PRDM5: variants seen among roughly 807,000 people sequenced by gnomAD.
PRDM5 encodes the protein PR domain zinc finger protein 5.
A neutral mutation model predicts 81.2 loss-of-function variants in PRDM5; 56 were observed. The observed-to-expected ratio is 0.69, with a 90% CI of 0.56 to 0.86. PRDM5 has a LOEUF of 0.86. Among genes scored for constraint, PRDM5 ranks in the 40% least tolerant of loss-of-function variants. The pLI, the probability that PRDM5 is intolerant of heterozygous loss-of-function variation, is 0.00. For synonymous variants in PRDM5, 267 were observed against 256.4 expected (o/e 1.04, Z -0.39); for missense variants, 697 against 770.1 (o/e 0.91, Z 1.12).
At chr4:120,807,855 T>G (rs1231415491) in intron 8 of PRDM5, among the ~76,000 whole-genome samples, 1 of 152,120 alleles carries the variant, frequency 6.6e-6, no homozygotes, top group Non-Finnish European at 1.5e-5. Flanking sequence ...CTTCTGAGGT[T>G]CAGATGTGTT....
At chr4:120,807,429 C>A (rs1344307948) in intron 8 of PRDM5, among the ~76,000 whole-genome samples, 1 of 152,242 alleles carries the variant, frequency 6.6e-6, no homozygotes, top group East Asian at 1.9e-4. Context: ...TATTGCAACA[C>A]TATTCACAAT....
At chr4:120,800,728 T>C (rs1473339305) in intron 8 of PRDM5, among the ~76,000 whole-genome samples, 1 of 152,042 alleles carries the variant, frequency 6.6e-6, no homozygotes. Context: ...GGAGGAAAAA[T>C]GGGTAACTAT....
chr4:120,720,037 A>C (rs1219185933), intron 14 of PRDM5, among the ~76,000 whole-genome samples: 2 of 152,120 alleles, frequency 1.3e-5, no homozygotes, highest in Non-Finnish European at 2.9e-5. Context: ...TGTGAGCCAC[A>C]AAAACGCAGA....
downstream of PRDM5, among the ~76,000 whole-genome samples, chr4:120,690,072 T>TATA: frequency 6.6e-6 from 1 of 152,158 alleles, no homozygotes; most frequent in Non-Finnish European, 1.5e-5. Context: ...TTTGCTCACA[T>TATA]GTCATTAACA....
chr4:120,826,417 G>A (rs184764865), intron 3 of PRDM5, among the ~76,000 whole-genome samples: 4 of 152,054 alleles, frequency 2.6e-5, no homozygotes, highest in Admixed American at 6.6e-5. Flanking sequence ...TATATCAACT[G>A]TCTTAACTTC....
intron 7 of PRDM5, 182 bp downstream of exon 7, chr4:120,816,270 TA>T: frequency 1.1e-6 from 1 of 930,238 alleles, no homozygotes; most frequent in Non-Finnish European, 1.7e-6. Flanking sequence ...CAAATGCTGC[TA>T]AATTCAACCT....
chr4:120,734,394 A>T (rs1442911105), intron 14 of PRDM5, among the ~76,000 whole-genome samples: 1 of 33,008 alleles, frequency 3.0e-5, no homozygotes, highest in African/African-American at 9.8e-5. Context: ...TTAGTGGAAC[A>T]CACACACACA....
Position 120,811,448 on chromosome 4 carries a change from T to C in PRDM5, c.867A>G (p.Gly289=), listed in dbSNP as rs144906959. 2.2e-5 allele frequency: 35 copies of C among 1,567,676 alleles called. No homozygotes were observed. The highest frequency in any genetic ancestry group is 3.0e-5 in the Non-Finnish European group (34 of 1,140,800). The change falls in exon 8 of 16, where the codon GGA becomes GGG. Residue 289 remains glycine (G), a splice_region_variant and synonymous_variant. Transcript: ENST00000264808. ...AACATATAAGCTTTTTCTTAGGATC[T>C]CCTAAAATAGAAATAAAATACCATG... ...LKRHQENVHT[G]DPKKKLICSV...
chr4:120,691,908 C>T (rs564489446), downstream of PRDM5: 2 of 151,780 alleles, frequency 1.3e-5, no homozygotes, highest in African/African-American at 4.8e-5. Context: ...AATGCTAACA[C>T]CAAGTCTGGT....
At chr4:120,847,492 G>A (rs1286040345) in intron 3 of PRDM5, among the ~76,000 whole-genome samples, 3 of 152,060 alleles carry the variant, frequency 2.0e-5, no homozygotes, top group Non-Finnish European at 2.9e-5. Context: ...GCCTAATCAA[G>A]TCTTCACAGA....
At chr4:120,911,864 T>C (rs923950335) in intron 1 of PRDM5, among the ~76,000 whole-genome samples, 5 of 152,196 alleles carry the variant, frequency 3.3e-5, no homozygotes, top group Non-Finnish European at 7.3e-5. Context: ...AGAAAATGTT[T>C]TTAAAATCTC....
At chr4:120,863,908 A>G (rs1760917079) in intron 2 of PRDM5, among the ~76,000 whole-genome samples, 1 of 152,222 alleles carries the variant, frequency 6.6e-6, no homozygotes, top group Non-Finnish European at 1.5e-5. Context: ...TTAGTCAAGG[A>G]CAATAGGACT....
downstream of PRDM5, chr4:120,691,900 T>C (rs1578554142): frequency 6.6e-6 from 1 of 152,008 alleles, no homozygotes; most frequent in South Asian, 2.1e-4. Context: ...TAAAATAAAA[T>C]GCTAACACCA....
At chr4:120,689,614 T>C (rs1353638754), downstream of PRDM5, among the ~76,000 whole-genome samples, 1 of 149,730 alleles carries the variant, frequency 6.7e-6, no homozygotes, top group South Asian at 2.1e-4. Context: ...TTTTTTTTTT[T>C]CTTTTTTCTT....
At chr4:120,723,345 T>C (rs907481578) in intron 14 of PRDM5, among the ~76,000 whole-genome samples, 2 of 152,220 alleles carry the variant, frequency 1.3e-5, no homozygotes, top group Admixed American at 6.5e-5. Flanking sequence ...ACTTGTGCAT[T>C]GTAAAGAATG....
chr4:120,854,215 C>T (rs1759616846), intron 2 of PRDM5, among the ~76,000 whole-genome samples: 1 of 152,156 alleles, frequency 6.6e-6, no homozygotes, highest in Admixed American at 6.6e-5. Context: ...GGGAGTAACT[C>T]CAAAAGCAGG....
At chr4:120,698,307 T>C (rs1340300712) in intron 15 of PRDM5, among the ~76,000 whole-genome samples, 1 of 152,204 alleles carries the variant, frequency 6.6e-6, no homozygotes, top group Non-Finnish European at 1.5e-5. Flanking sequence ...CTTAGCATCA[T>C]TTGACATGCC....
chr4:120,864,027 G>C (rs1255470758), intron 2 of PRDM5, among the ~76,000 whole-genome samples: 3 of 152,188 alleles, frequency 2.0e-5, no homozygotes, highest in Non-Finnish European at 4.4e-5. Flanking sequence ...CAATGGCTAA[G>C]ACTAATCAGG....
intron 8 of PRDM5, among the ~76,000 whole-genome samples, chr4:120,803,933 A>C (rs1443007986): frequency 6.6e-6 from 1 of 152,212 alleles, no homozygotes; most frequent in African/African-American, 2.4e-5. Context: ...GTCAACACCC[A>C]TCAGTGTGCA....
Sources: allele counts gnomAD v4.1 joint callset (sites outside exome capture counted in the v4.1 genomes callset), GRCh38; gene constraint gnomAD v4.1.1; transcripts MANE v1.5; gene names NCBI Gene and HGNC (gene_info 2026-07-23, HGNC 2026-07-21).